The following SEM1 variants were observed in gnomAD, a reference collection of about 807,000 sequenced individuals.
The protein encoded by SEM1 is SEM1 26S proteasome subunit, also known as 26S proteasome complex subunit SEM1.
Under a neutral mutation model 12.7 loss-of-function variants are expected in SEM1, and 3 were observed. That is an observed-to-expected ratio of 0.24 (90% CI 0.11 to 0.61). SEM1 has a LOEUF of 0.61. Among genes scored for constraint, SEM1 ranks in the 20% least tolerant of loss-of-function variants. The pLI is 0.88. For missense variants in SEM1, 59 were observed against 81.3 expected (o/e 0.73, Z 1.06); for synonymous variants, 30 against 27.8 (o/e 1.08, Z -0.25).
At chr7:96,693,802 A>G (rs112458931) in intron 2 of SEM1, among the ~76,000 whole-genome samples, 5 of 131,792 alleles carry the variant, frequency 3.8e-5, no homozygotes, top group East Asian at 4.7e-4. Flanking sequence ...ATATATATAT[A>G]TATAAAATTT....
intron 2 of SEM1, among the ~76,000 whole-genome samples, chr7:96,519,523 T>A (rs1385036892): frequency 6.6e-6 from 1 of 151,982 alleles, no homozygotes; most frequent in Non-Finnish European, 1.5e-5. Context: ...TGAGATTTTT[T>A]AAATAGGTTG....
downstream of SEM1, among the ~76,000 whole-genome samples, chr7:96,670,866 T>A (rs765337556): frequency 6.6e-6 from 1 of 152,202 alleles, no homozygotes; most frequent in Non-Finnish European, 1.5e-5. Context: ...CTGCTTTGTG[T>A]TACTTTCTAA....
intron 2 of SEM1, among the ~76,000 whole-genome samples, chr7:96,599,565 CTCA>C (rs1177940251): frequency 6.6e-6 from 1 of 152,164 alleles, no homozygotes; most frequent in African/African-American, 2.4e-5. Context: ...ATGATAATGT[CTCA>C]TCTTTATAAG....
intron 2 of SEM1, among the ~76,000 whole-genome samples, chr7:96,679,743 G>A (rs1386915200): frequency 6.6e-6 from 1 of 152,100 alleles, no homozygotes; most frequent in Non-Finnish European, 1.5e-5. Flanking sequence ...GAAAGGCAAA[G>A]CCCATCTCCC....
chr7:96,665,808 C>T (rs765802844), intron 2 of SEM1, among the ~76,000 whole-genome samples: 1 of 152,132 alleles, frequency 6.6e-6, no homozygotes, highest in Non-Finnish European at 1.5e-5. Context: ...TTCCAATGAA[C>T]AACTAAGGTT....
At chr7:96,687,182 T>C (rs1789785367), downstream of SEM1, among the ~76,000 whole-genome samples, 2 of 152,146 alleles carry the variant, frequency 1.3e-5, no homozygotes, top group Admixed American at 1.3e-4. Flanking sequence ...TTTTACACTG[T>C]TGGTGGGACG....
At chr7:96,577,479 CA>C in intron 2 of SEM1, among the ~76,000 whole-genome samples, 1 of 151,630 alleles carries the variant, frequency 6.6e-6, no homozygotes, top group East Asian at 1.9e-4. Context: ...GATTAAATAA[CA>C]AAACACCCAG....
At chr7:96,495,046 G>A (rs1212830211) in intron 1 of SEM1, among the ~76,000 whole-genome samples, 1 of 137,860 alleles carries the variant, frequency 7.3e-6, no homozygotes, top group East Asian at 2.2e-4. Flanking sequence ...GAGATAATGA[G>A]AGAGAAGGGG....
intron 2 of SEM1, among the ~76,000 whole-genome samples, chr7:96,550,463 A>G (rs1340611560): frequency 6.6e-6 from 1 of 152,114 alleles, no homozygotes; most frequent in Non-Finnish European, 1.5e-5. Flanking sequence ...ATAAAGCATG[A>G]TTTTATTATT....
intron 2 of SEM1, among the ~76,000 whole-genome samples, chr7:96,507,636 T>C (rs1302543304): frequency 6.6e-6 from 1 of 152,166 alleles, no homozygotes; most frequent in Non-Finnish European, 1.5e-5. Flanking sequence ...CCTAGTCTTC[T>C]GGCACTTTTA....
intron 2 of SEM1, among the ~76,000 whole-genome samples, chr7:96,600,661 T>C (rs1807171903): frequency 6.6e-6 from 1 of 152,156 alleles, no homozygotes; most frequent in African/African-American, 2.4e-5. Flanking sequence ...CAACGTTGAA[T>C]GTAAAACATG....
At chr7:96,574,646 G>A (rs1468577332) in intron 2 of SEM1, among the ~76,000 whole-genome samples, 1 of 152,108 alleles carries the variant, frequency 6.6e-6, no homozygotes, top group South Asian at 2.1e-4. Flanking sequence ...ATTTCTTGGA[G>A]GCTTTATTCA....
intron 2 of SEM1, among the ~76,000 whole-genome samples, chr7:96,693,647 C>T (rs13224800): frequency 0.037 from 5,583 of 151,534 alleles, 165 homozygotes; most frequent in Non-Finnish European, 0.057. Flanking sequence ...ACCTTCACAC[C>T]CTGCTAGTAC....
In SEM1 at chr7:96,593,794, AT is replaced by A. The variant is rs376830418; in HGVS notation, c.171-87097del. Among the ~76,000 whole-genome samples the A allele has an allele frequency of 8.5e-4, 128 of 149,806 alleles. No homozygotes were observed. In the East Asian group the frequency reaches 0.016, roughly 19 times the overall value. On this transcript the variant is annotated intron_variant and NMD_transcript_variant, in intron 2 of 3. Transcript: ENST00000466986. The stretch of plus-strand genomic sequence containing the variant: ...AAAAGAATGACTGATATGAATAAGC[AT>A]TTTTTTTTTAAAGAGAAGTTTCAAA...
intron 2 of SEM1, among the ~76,000 whole-genome samples, chr7:96,663,461 G>A (rs1029229093): frequency 3.9e-5 from 6 of 152,152 alleles, no homozygotes; most frequent in Middle Eastern, 3.2e-3. Flanking sequence ...GCAGCAGTGT[G>A]GGGGAGAGTC....
intron 2 of SEM1, among the ~76,000 whole-genome samples, chr7:96,519,701 A>G (rs894619232): frequency 6.6e-6 from 1 of 152,130 alleles, no homozygotes; most frequent in Non-Finnish European, 1.5e-5. Context: ...GTGTTTAGAC[A>G]AAATGAAAAT....
At chr7:96,518,620 A>C (rs1804172126) in intron 2 of SEM1, among the ~76,000 whole-genome samples, 1 of 152,106 alleles carries the variant, frequency 6.6e-6, no homozygotes, top group Non-Finnish European at 1.5e-5. Flanking sequence ...TTCATCACGC[A>C]GCCCTTCAGT....
intron 2 of SEM1, chr7:96,664,181 C>T (rs925543534): frequency 6.6e-6 from 1 of 152,200 alleles, no homozygotes; most frequent in East Asian, 1.9e-4. Flanking sequence ...TGGCTTGAAA[C>T]AACAAAAATG....
chr7:96,539,064 G>A (rs1020710438), intron 2 of SEM1, among the ~76,000 whole-genome samples: 1 of 151,740 alleles, frequency 6.6e-6, no homozygotes, highest in Non-Finnish European at 1.5e-5. Context: ...GGTAAAACAA[G>A]CTAGCATGTT....
Sources: allele counts gnomAD v4.1 joint callset (sites outside exome capture counted in the v4.1 genomes callset), GRCh38; gene constraint gnomAD v4.1.1; transcripts MANE v1.5; gene names NCBI Gene and HGNC (gene_info 2026-07-23, HGNC 2026-07-21).